The following ASAP2 variants were observed in gnomAD, a reference collection of about 807,000 sequenced individuals.
The protein encoded by ASAP2 is ArfGAP with SH3 domain, ankyrin repeat and PH domain 2.
In ASAP2, 45 loss-of-function variants were observed where a neutral mutation model predicts 131.4. The observed-to-expected ratio is 0.34, with a 90% confidence interval of 0.27 to 0.44. The LOEUF (loss-of-function observed/expected upper bound fraction) is 0.44. Ranked by LOEUF, ASAP2 falls within the 20% of genes least tolerant of loss-of-function variation. The pLI is 1.00. For synonymous variants in ASAP2, 510 were observed against 503.0 expected (o/e 1.01, Z -0.19); for missense variants, 1,011 against 1,297.0 (o/e 0.78, Z 3.39).
At chr2:9,320,234 C>A in intron 4 of ASAP2, 54 bp from the exon 5 acceptor site, 3 of 1,463,588 alleles carry the variant, frequency 2.0e-6, no homozygotes, top group Non-Finnish European at 1.9e-6. Flanking sequence ...GTAAGTTTAT[C>A]TTGCACAGAA....
At chr2:9,374,350 G>C (rs1239705100) in intron 16 of ASAP2, among the ~76,000 whole-genome samples, 1 of 152,264 alleles carries the variant, frequency 6.6e-6, no homozygotes, top group African/African-American at 2.4e-5. Context: ...TGTTGGAACA[G>C]AGGTTGGCCA....
At chr2:9,402,404 C>T (rs527729905) in intron 27 of ASAP2, among the ~76,000 whole-genome samples, 18 of 152,236 alleles carry the variant, frequency 1.2e-4, no homozygotes, top group Admixed American at 7.2e-4. Flanking sequence ...CCGAGGCAGG[C>T]GGAACACTTG....
intron 3 of ASAP2, among the ~76,000 whole-genome samples, chr2:9,302,620 G>T (rs927321637): frequency 6.6e-6 from 1 of 151,872 alleles, no homozygotes; most frequent in Non-Finnish European, 1.5e-5. Flanking sequence ...GATTATAGGC[G>T]CGAGCCACCA....
intron 1 of ASAP2, among the ~76,000 whole-genome samples, chr2:9,213,967 A>G (rs1661794660): frequency 6.6e-6 from 1 of 152,186 alleles, no homozygotes; most frequent in African/African-American, 2.4e-5. Context: ...GAAAGAGAGA[A>G]GCATGGCTGC....
chr2:9,220,961 CT>C (rs1462165571), intron 1 of ASAP2, among the ~76,000 whole-genome samples: 2 of 152,102 alleles, frequency 1.3e-5, no homozygotes, highest in Non-Finnish European at 2.9e-5. Flanking sequence ...TGATTTACTT[CT>C]GATATATGAG....
At chr2:9,397,970 A>G (rs1175345100) in intron 24 of ASAP2, among the ~76,000 whole-genome samples, 43 of 150,776 alleles carry the variant, frequency 2.9e-4, no homozygotes, top group Non-Finnish European at 7.4e-5. Flanking sequence ...ATGTTAGCCA[A>G]GATGGTCTCG....
At chr2:9,381,820 C>T (rs1674868933) in intron 20 of ASAP2, among the ~76,000 whole-genome samples, 3 of 151,932 alleles carry the variant, frequency 2.0e-5, no homozygotes, top group Admixed American at 6.6e-5. Flanking sequence ...GGAGAATGGA[C>T]TTGAGCTTAG....
intron 11 of ASAP2, 63 bp from the exon 12 acceptor site, chr2:9,350,745 G>C (rs1416931055): frequency 5.7e-6 from 8 of 1,415,246 alleles, no homozygotes; most frequent in Non-Finnish European, 7.9e-6. Context: ...GATTGATACT[G>C]TATGATTTTC....
At chr2:9,295,417 A>G (rs986066531) in intron 2 of ASAP2, among the ~76,000 whole-genome samples, 2 of 152,184 alleles carry the variant, frequency 1.3e-5, no homozygotes, top group African/African-American at 4.8e-5. Flanking sequence ...TGCTGCTGTT[A>G]CTTTTGTTAG....
At chr2:9,336,752 G>A (rs549160301) in intron 9 of ASAP2, among the ~76,000 whole-genome samples, 37 of 152,338 alleles carry the variant, frequency 2.4e-4, no homozygotes, top group Admixed American at 2.2e-3. Context: ...AAAACTTGGC[G>A]TAAGGAGAAA....
At chr2:9,403,130 C>T in intron 27 of ASAP2, 123 bp from the exon 28 acceptor site, 1 of 751,144 alleles carries the variant, frequency 1.3e-6, no homozygotes. Flanking sequence ...TAAGTAATTC[C>T]TTGTCGGAAG....
At chr2:9,240,943 C>A (rs1217698871) in intron 1 of ASAP2, among the ~76,000 whole-genome samples, 1 of 152,196 alleles carries the variant, frequency 6.6e-6, no homozygotes, top group Non-Finnish European at 1.5e-5. Flanking sequence ...TAGCATGGAC[C>A]TTGTGGTTCT....
chr2:9,329,343 C>T (rs1237841217), intron 7 of ASAP2, among the ~76,000 whole-genome samples: 1 of 152,174 alleles, frequency 6.6e-6, no homozygotes, highest in African/African-American at 2.4e-5. Flanking sequence ...CATTTGTATG[C>T]ACTCCTGTGA....
intron 11 of ASAP2, 133 bp from the exon 12 acceptor site, chr2:9,350,675 C>G: frequency 1.5e-6 from 1 of 665,318 alleles, no homozygotes; most frequent in Non-Finnish European, 2.4e-6. Context: ...CTTCCTCTGT[C>G]AAGTCTGAAG....
In ASAP2 at chr2:9,297,445, G is replaced by C. The variant is rs1375332290; in HGVS notation, c.345G>C (p.Leu115=). The part of the protein sequence containing the change: ...TKELTALFKN[L]IQNMNNIISF... ...AGTTGACAGCACTTTTCAAAAACCT[G>C]GTAAGCAGCTCTGTGTATGAAATGC... is the stretch of plus-strand genomic sequence containing the variant. The change falls in exon 3 of 28, where the codon CTG becomes CTC. Residue 115 remains leucine (L), a splice_region_variant and synonymous_variant. Coordinates refer to ENST00000281419, the MANE Select transcript of ASAP2 (RefSeq NM_003887.3). 6.2e-7 allele frequency: 1 copy of C among 1,614,048 alleles called. No individual in the cohort carries two copies. Among genetic ancestry groups the C allele is most frequent in the Non-Finnish European group, 8.5e-7 (1 of 1,180,016 alleles).
At chr2:9,263,856 A>G (rs750829344) in intron 1 of ASAP2, among the ~76,000 whole-genome samples, 8 of 152,100 alleles carry the variant, frequency 5.3e-5, no homozygotes, top group Non-Finnish European at 8.8e-5. Flanking sequence ...TTCTTCTATA[A>G]TAGGTTAAGT....
At chr2:9,328,954 A>AGTTTTTT (rs1330611278) in intron 7 of ASAP2, among the ~76,000 whole-genome samples, 5 of 152,334 alleles carry the variant, frequency 3.3e-5, no homozygotes, top group Admixed American at 2.0e-4. Context: ...TTTAGGGTAG[A>AGTTTTTT]GTTTTTTGTT....
intron 5 of ASAP2, among the ~76,000 whole-genome samples, chr2:9,320,840 G>C (rs1670106333): frequency 6.6e-6 from 1 of 152,174 alleles, no homozygotes; most frequent in Non-Finnish European, 1.5e-5. Flanking sequence ...GAAGAATGGA[G>C]AATTGATTCT....
intron 17 of ASAP2, among the ~76,000 whole-genome samples, chr2:9,375,992 G>C (rs1171148793): frequency 6.6e-6 from 1 of 152,228 alleles, no homozygotes; most frequent in African/African-American, 2.4e-5. Flanking sequence ...GGTGGCATGT[G>C]TCCAGATTCT....
Sources: allele counts gnomAD v4.1 joint callset (sites outside exome capture counted in the v4.1 genomes callset), GRCh38; gene constraint gnomAD v4.1.1; transcripts MANE v1.5; gene names NCBI Gene and HGNC (gene_info 2026-07-23, HGNC 2026-07-21).